Variants in RNF216 observed in about 807,000 individuals in gnomAD.
RNF216 encodes E3 ubiquitin-protein ligase RNF216.
RNF216 carries 72 observed loss-of-function variants against 110.8 expected under a neutral mutation model. The ratio of observed to expected loss-of-function variants is 0.65; its 90% CI spans 0.54 to 0.79. RNF216 has a LOEUF of 0.79. Among genes scored for constraint, RNF216 ranks in the 30% least tolerant of loss-of-function variants. RNF216 has a pLI of 0.00. For missense variants in RNF216, 1,342 were observed against 1,141.2 expected, an observed-to-expected ratio of 1.18 and a Z score of -2.54; for synonymous variants, 495 against 407.5, an observed-to-expected ratio of 1.21 and a Z score of -2.59.
intron 1 of RNF216, among the ~76,000 whole-genome samples, chr7:5,761,962 C>T (rs1353676722): frequency 1.3e-5 from 2 of 152,126 alleles, no homozygotes; most frequent in African/African-American, 4.8e-5. Flanking sequence ...TGTGACTTAG[C>T]AATTCCACTT....
chr7:5,625,571 T>C (rs1260702821), intron 15 of RNF216, among the ~76,000 whole-genome samples: 1 of 152,338 alleles, frequency 6.6e-6, no homozygotes, highest in Non-Finnish European at 1.5e-5. Flanking sequence ...TACTAGGTTA[T>C]TAATGTCACA....
chr7:5,728,452 C>G (rs1375226693), intron 7 of RNF216, among the ~76,000 whole-genome samples: 1 of 151,978 alleles, frequency 6.6e-6, no homozygotes, highest in South Asian at 2.1e-4. Context: ...TGAGCACCTA[C>G]AGTCCCAGCT....
intron 7 of RNF216, among the ~76,000 whole-genome samples, chr7:5,727,039 G>C (rs867347876): frequency 6.6e-5 from 10 of 152,238 alleles, no homozygotes; most frequent in Middle Eastern, 3.4e-3. Context: ...GCAGGGGATA[G>C]GAGGCCTTGG....
intron 14 of RNF216, among the ~76,000 whole-genome samples, chr7:5,645,789 C>T (rs985031110): frequency 1.3e-5 from 2 of 152,074 alleles, no homozygotes; most frequent in Non-Finnish European, 2.9e-5. Flanking sequence ...AAGGTTTCAC[C>T]ATGTTGGCCA....
intron 1 of RNF216, among the ~76,000 whole-genome samples, chr7:5,771,503 A>T (rs537209778): frequency 6.6e-6 from 1 of 152,312 alleles, no homozygotes; most frequent in Admixed American, 6.5e-5. Flanking sequence ...AACTGAAAAG[A>T]AAAAGAATCC....
intron 13 of RNF216, among the ~76,000 whole-genome samples, chr7:5,672,971 C>T (rs2128597263): frequency 6.6e-6 from 1 of 152,296 alleles, no homozygotes; most frequent in South Asian, 2.1e-4. Flanking sequence ...GTCCTGGCTA[C>T]AGCTCAGGAT....
At chr7:5,666,188 C>T (rs1348623308) in intron 13 of RNF216, among the ~76,000 whole-genome samples, 1 of 149,448 alleles carries the variant, frequency 6.7e-6, no homozygotes, top group South Asian at 2.1e-4. Flanking sequence ...AAAAAAAATC[C>T]GAAACCAGTA....
chr7:5,715,107 G>GAAC lies in RNF216; in HGVS notation c.1776_1778dup (p.Leu592dup). 1 of 1,613,906 alleles carries GAAC rather than the reference G, an allele frequency of 6.2e-7. No homozygotes were observed. The highest frequency in any genetic ancestry group is 2.2e-5 in the East Asian group (1 of 44,882). On this transcript the variant is annotated inframe_insertion, in exon 11 of 17. Coordinates refer to ENST00000389902, the MANE Select transcript of RNF216 (RefSeq NM_207111.4). ...CATATCTGATGAGACACTCTTTGCAGAACAAGTGAGCATCTGCGCACTGCG... is the reference window on the plus strand; with the variant it reads ...CATATCTGATGAGACACTCTTTGCAGAACAACAAGTGAGCATCTGCGCACTGCG...
intron 13 of RNF216, among the ~76,000 whole-genome samples, chr7:5,659,393 G>T (rs1007484600): frequency 1.3e-5 from 2 of 152,148 alleles, no homozygotes; most frequent in Non-Finnish European, 2.9e-5. Flanking sequence ...GGCCAGGTAT[G>T]GGTACAGAGG....
At chr7:5,702,345 C>G (rs188343699) in intron 13 of RNF216, among the ~76,000 whole-genome samples, 1 of 152,252 alleles carries the variant, frequency 6.6e-6, no homozygotes, top group East Asian at 1.9e-4. Flanking sequence ...AGCTGAAATA[C>G]AGGGGTAAAA....
At chr7:5,630,812 T>A (rs1488211692) in intron 15 of RNF216, among the ~76,000 whole-genome samples, 1 of 152,076 alleles carries the variant, frequency 6.6e-6, no homozygotes, top group East Asian at 1.9e-4. Flanking sequence ...TCACCACAGC[T>A]CCCTGAGTCA....
At chr7:5,630,728 C>T (rs1240348273) in intron 15 of RNF216, among the ~76,000 whole-genome samples, 3 of 152,148 alleles carry the variant, frequency 2.0e-5, no homozygotes, top group Admixed American at 2.0e-4. Flanking sequence ...ACAGTGACAA[C>T]AACAGTAGTT....
chr7:5,740,498 G>A (rs6948331), intron 4 of RNF216, among the ~76,000 whole-genome samples: 37 of 152,242 alleles, frequency 2.4e-4, no homozygotes, highest in African/African-American at 7.5e-4. Context: ...CATGCTTGAT[G>A]ATGAGGTAAG....
intron 15 of RNF216, among the ~76,000 whole-genome samples, chr7:5,625,921 T>A (rs1050521668): frequency 6.6e-6 from 1 of 152,244 alleles, no homozygotes; most frequent in East Asian, 1.9e-4. Context: ...AAAGGTCTCA[T>A]AAGCTTCTTT....
At chr7:5,631,001 G>A (rs1162247329) in intron 15 of RNF216, among the ~76,000 whole-genome samples, 2 of 152,276 alleles carry the variant, frequency 1.3e-5, no homozygotes, top group South Asian at 2.1e-4. Context: ...GGCTGGGAGC[G>A]TGTGTCAGAG....
chr7:5,678,830 G>C (rs974270704), intron 13 of RNF216, among the ~76,000 whole-genome samples: 3 of 152,212 alleles, frequency 2.0e-5, no homozygotes, highest in African/African-American at 7.2e-5. Flanking sequence ...GAAGACATGA[G>C]AGCTGGACTG....
At chr7:5,726,676 G>A (rs1218697422) in intron 7 of RNF216, among the ~76,000 whole-genome samples, 1 of 152,014 alleles carries the variant, frequency 6.6e-6, no homozygotes, top group Non-Finnish European at 1.5e-5. Flanking sequence ...TGGACAACAT[G>A]GCAAAACCCC....
chr7:5,771,722 G>A lies in RNF216; in HGVS notation c.-70+9819C>T, dbSNP rs540707987. ...TGAGGTGGGAAGATCTCTTGAGCTC[G>A]AGAGGTGGAGGTTGCAGTAGGCTGT... On this transcript the variant is annotated intron_variant, in intron 1 of 16. Transcript: ENST00000389902. Among the ~76,000 whole-genome samples, 8 of 152,268 alleles carry A rather than the reference G, an allele frequency of 5.3e-5. No homozygotes were observed. In the South Asian group the frequency reaches 1.5e-3, roughly 28 times the overall value.
intron 13 of RNF216, among the ~76,000 whole-genome samples, chr7:5,682,430 G>C (rs1440012069): frequency 7.0e-6 from 1 of 143,814 alleles, no homozygotes; most frequent in Non-Finnish European, 1.5e-5. Flanking sequence ...TTTTTTTTGA[G>C]ACAGTCTCAC....
Sources: allele counts gnomAD v4.1 joint callset (sites outside exome capture counted in the v4.1 genomes callset), GRCh38; gene constraint gnomAD v4.1.1; transcripts MANE v1.5; gene names NCBI Gene and HGNC (gene_info 2026-07-23, HGNC 2026-07-21).